The following LRPPRC variants were observed in gnomAD, a reference collection of about 807,000 sequenced individuals.
LRPPRC encodes the protein leucine-rich PPR motif-containing protein, mitochondrial.
A neutral mutation model predicts 180.3 loss-of-function variants in LRPPRC; 120 were observed. That is an observed-to-expected ratio of 0.67 (90% CI 0.57 to 0.77). The LOEUF (loss-of-function observed/expected upper bound fraction) is 0.77, where lower values mean the gene tolerates loss of function less well. LRPPRC is among the 30% of genes least tolerant of loss of function. LRPPRC has a pLI of 0.00. For synonymous variants in LRPPRC, 723 were observed against 600.0 expected (o/e 1.21, Z -3.00); for missense variants, 2,012 against 1,657.2 (o/e 1.21, Z -3.72).
rs1420062655 is a variant in LRPPRC, at chr2:43,887,473, A to T, written c.*1127T>A. 2 of 152,284 alleles carry T rather than the reference A, an allele frequency of 1.3e-5. No individual in the cohort carries two copies. Among genetic ancestry groups the T allele is most frequent in the Non-Finnish European group, 2.9e-5 (2 of 68,084 alleles). 9.4% of individuals were successfully genotyped at this position (152,284 alleles called of 1,614,324 possible). ...GAGGCCCGCCTACGTCCCCAAGGCA[A>T]GGTCTCCCCTGATGTGAACAGTGTG... On this transcript the variant is annotated 3_prime_UTR_variant, in exon 38 of 38. Coordinates refer to ENST00000260665, the MANE Select transcript of LRPPRC (RefSeq NM_133259.4).
At position 43,982,351 on chromosome 2, in the gene LRPPRC, T is replaced by C. The variant is rs1234297037; in HGVS notation, c.233A>G (p.Lys78Arg). The C allele has an allele frequency of 1.9e-6, 3 of 1,613,724 alleles. No homozygotes were observed. Among genetic ancestry groups the C allele is most frequent in the Admixed American group, 1.7e-5 (1 of 59,994 alleles). Residue 78 changes from lysine (K) to arginine (R), a missense_variant, in exon 2 of 38, where the codon AAG (lysine) becomes AGG (arginine). Coordinates refer to ENST00000260665, the MANE Select transcript of LRPPRC (RefSeq NM_133259.4). ...IQEESTFSSR[K>R]ISNQFDWALM... Reference sequence around the variant, plus strand: ...AGCCCAATCAAACTGATTGGAAATCTTCCTAGAAGAAAAAGTGGACTCCTC... The same window carrying C: ...AGCCCAATCAAACTGATTGGAAATCCTCCTAGAAGAAAAAGTGGACTCCTC...
chr2:43,970,822 A>C (rs972301398), intron 11 of LRPPRC, among the ~76,000 whole-genome samples: 1 of 152,164 alleles, frequency 6.6e-6, no homozygotes, highest in Non-Finnish European at 1.5e-5. Flanking sequence ...AAGTTCCGCC[A>C]AGAGTGGTGG....
rs923690797 is a variant in LRPPRC, at chr2:43,980,428, C to T, written c.347-480G>A. 2.6e-4 allele frequency among the ~76,000 whole-genome samples: 39 copies of T among 151,878 alleles called. 1 individual carries two copies. Among genetic ancestry groups the T allele is most frequent in the African/African-American group, 8.7e-4 (36 of 41,336 alleles). On this transcript the variant is annotated intron_variant, in intron 2 of 37. Coordinates refer to ENST00000260665, the MANE Select transcript of LRPPRC (RefSeq NM_133259.4). ...ATTAGCTGGGCGAGATGGCGCATGC[C>T]TGTAATTCTAGCTACTCGGGAGGCT...
chr2:43,975,334 T>A (rs776506137), intron 6 of LRPPRC, 117 bp from the exon 7 acceptor site: 3 of 821,970 alleles, frequency 3.6e-6, no homozygotes, highest in Non-Finnish European at 5.9e-6. Context: ...GGAATTATGA[T>A]GTCAGAAAAG....
chr2:43,927,128 T>G (rs896833123), intron 25 of LRPPRC, among the ~76,000 whole-genome samples: 4 of 152,232 alleles, frequency 2.6e-5, no homozygotes, highest in Non-Finnish European at 4.4e-5. Flanking sequence ...CATTAAATAC[T>G]ACATTTCAAT....
intron 4 of LRPPRC, 35 bp from the exon 5 acceptor site, chr2:43,977,087 A>G (rs1017362312): frequency 5.6e-6 from 9 of 1,608,970 alleles, no homozygotes; most frequent in Non-Finnish European, 7.7e-6. Context: ...TTTTAAATAT[A>G]CTTTTTTTTC....
intron 11 of LRPPRC, among the ~76,000 whole-genome samples, chr2:43,971,511 A>AAAAAAAAT (rs1673809712): frequency 6.7e-5 from 10 of 148,590 alleles, no homozygotes; most frequent in South Asian, 2.1e-4. Flanking sequence ...AAAAGAAAAA[A>AAAAAAAAT]ATATATATAT....
At chr2:43,926,030 G>A in intron 25 of LRPPRC, 69 bp from the exon 26 acceptor site, 1 of 923,966 alleles carries the variant, frequency 1.1e-6, no homozygotes. Context: ...TTTCCTCAAA[G>A]ACAGTTTCTT....
Position 43,912,472 on chromosome 2 carries a change from A to G in LRPPRC, c.3235T>C (p.Ser1079Pro). The G allele has an allele frequency of 6.2e-7, 1 of 1,605,288 alleles. No individual in the cohort carries two copies. Among genetic ancestry groups the G allele is most frequent in the Non-Finnish European group, 8.5e-7 (1 of 1,172,098 alleles). ...TYSNLIKLLM[S>P]EDYFTQAMEV... ...ATTGCTTGTGTAAAATAATCTTCTG[A>G]CATCAGTAATTTAATGAGATTGCTG... Residue 1079 changes from serine (S) to proline (P), a missense_variant, in exon 30 of 38, where the codon TCA becomes CCA. Ser to Pro is a moderately conservative substitution (Grantham distance 74, BLOSUM62 -1). Coordinates refer to ENST00000260665, the MANE Select transcript of LRPPRC (RefSeq NM_133259.4).
At chr2:43,925,869 G>C in intron 26 of LRPPRC, 24 bp downstream of exon 26, 1 of 1,547,332 alleles carries the variant, frequency 6.5e-7, no homozygotes, top group Non-Finnish European at 8.9e-7. Context: ...TTAGGTGATT[G>C]AGACATCTGA....
At chr2:43,904,948 G>A (rs150596808) in intron 31 of LRPPRC, among the ~76,000 whole-genome samples, 4 of 152,102 alleles carry the variant, frequency 2.6e-5, no homozygotes, top group Non-Finnish European at 4.4e-5. Context: ...TAAGAGATTC[G>A]TCATAGTGCC....
At chr2:43,975,266 T>C (rs1407635558) in intron 6 of LRPPRC, 49 bp from the exon 7 acceptor site, 3 of 1,537,470 alleles carry the variant, frequency 2.0e-6, no homozygotes, top group South Asian at 2.3e-5. Flanking sequence ...CCAAATTTAA[T>C]ATAGTTATTC....
rs747009960 is a variant in LRPPRC, at chr2:43,976,229, G to C, written c.651C>G (p.Ser217Arg). 2 of 1,586,148 alleles carry C rather than the reference G, an allele frequency of 1.3e-6. No homozygotes were observed. Among genetic ancestry groups the C allele is most frequent in the Non-Finnish European group, 1.7e-6 (2 of 1,154,590 alleles). ...YCNVGDIEGA[S>R]KILGFMKTKD... is the part of the protein sequence containing the mutation. Reference sequence around the variant, plus strand: ...TAGTTTTCATAAATCCAAGAATCTTGCTGCAAAGGAAAAACGAAGATACTC... The same window carrying C: ...TAGTTTTCATAAATCCAAGAATCTTCCTGCAAAGGAAAAACGAAGATACTC... Residue 217 changes from serine (S) to arginine (R), a missense_variant and splice_region_variant, in exon 6 of 38, where the codon AGC becomes AGG. Transcript: ENST00000260665.
intron 1 of LRPPRC, among the ~76,000 whole-genome samples, chr2:43,987,914 C>A (rs1674598762): frequency 6.6e-6 from 1 of 151,936 alleles, no homozygotes; most frequent in African/African-American, 2.4e-5. Flanking sequence ...TAAATTAGAC[C>A]TTTAAAAATA....
At chr2:43,971,387 G>A (rs967364803) in intron 11 of LRPPRC, among the ~76,000 whole-genome samples, 4 of 146,110 alleles carry the variant, frequency 2.7e-5, no homozygotes, top group African/African-American at 1.0e-4. Context: ...CTTTCTTGGA[G>A]GTTGGTGATG....
At position 43,943,817 on chromosome 2, in the gene LRPPRC, T is replaced by A. The variant is rs900174489; in HGVS notation, c.2374A>T (p.Met792Leu). The change falls in exon 23 of 38, where the codon ATG becomes TTG. Residue 792 changes from methionine to leucine, a missense_variant. Transcript: ENST00000260665. ...KDTTALSFFHMLNGAALRGEI... is the reference protein window; with the variant it reads ...KDTTALSFFHLLNGAALRGEI... ...CCTCTTAAAGCTGCGCCATTTAGCATGTGGAAAAAGGACAAGGCTGTTGTA... is the reference window on the plus strand; with the variant it reads ...CCTCTTAAAGCTGCGCCATTTAGCAAGTGGAAAAAGGACAAGGCTGTTGTA... The A allele has an allele frequency of 1.9e-6, 3 of 1,613,488 alleles. No individual in the cohort carries two copies. The highest frequency in any genetic ancestry group is 2.7e-5 in the African/African-American group (2 of 75,012).
chr2:43,911,735 C>T (rs546319944), intron 30 of LRPPRC, among the ~76,000 whole-genome samples: 1 of 152,052 alleles, frequency 6.6e-6, no homozygotes, highest in East Asian at 1.9e-4. Flanking sequence ...CCATGTTGGC[C>T]AGGCTGGTCT....
Position 43,988,299 on chromosome 2 carries a change from G to A in LRPPRC, c.150-5865C>T, listed in dbSNP as rs1021816301. ...TGCCTGTAATCCCAACACTTTGGGA[G>A]GCCAAGGCGGGCGGATCACCTGAGG... is the stretch of plus-strand genomic sequence containing the variant. On this transcript the variant is annotated intron_variant, in intron 1 of 37. Coordinates refer to ENST00000260665, the MANE Select transcript of LRPPRC (RefSeq NM_133259.4). Among the ~76,000 whole-genome samples the A allele has an allele frequency of 6.0e-4, 91 of 151,732 alleles. 4 individuals are homozygous for A. Among genetic ancestry groups the A allele is most frequent in the Admixed American group, 6.0e-3 (91 of 15,246 alleles).
chr2:43,980,023 G>C, intron 2 of LRPPRC, 75 bp from the exon 3 acceptor site: 1 of 1,430,054 alleles, frequency 7.0e-7, no homozygotes. Flanking sequence ...AATTTAAACA[G>C]AAATCTATAA....
Sources: allele counts gnomAD v4.1 joint callset (sites outside exome capture counted in the v4.1 genomes callset), GRCh38; gene constraint gnomAD v4.1.1; transcripts MANE v1.5; gene names NCBI Gene and HGNC (gene_info 2026-07-23, HGNC 2026-07-21).